Variants in ABHD2 observed in about 807,000 individuals in gnomAD.
The protein encoded by ABHD2 is abhydrolase domain containing 2, acylglycerol lipase, also known as monoacylglycerol lipase ABHD2.
Under a neutral mutation model 48.1 loss-of-function variants are expected in ABHD2, and 20 were observed. The observed-to-expected ratio is 0.42, with a 90% CI of 0.29 to 0.60. The LOEUF is 0.60. Ranked by LOEUF, ABHD2 falls within the 20% of genes least tolerant of loss-of-function variation. The pLI is 0.24. For missense variants in ABHD2, 405 were observed against 550.9 expected (o/e 0.74, Z 2.65); for synonymous variants, 209 against 214.2 (o/e 0.98, Z 0.21).
intron 5 of ABHD2, among the ~76,000 whole-genome samples, chr15:89,158,598 T>A (rs540769110): frequency 6.6e-6 from 1 of 152,326 alleles, no homozygotes; most frequent in East Asian, 1.9e-4. Flanking sequence ...AGTTCCAGAT[T>A]CTTCAGCTGC....
chr15:89,089,171 C>T (rs1021916210), intron 1 of ABHD2, among the ~76,000 whole-genome samples: 2 of 152,254 alleles, frequency 1.3e-5, no homozygotes, highest in African/African-American at 4.8e-5. Context: ...CCTGCCAGGC[C>T]GGGCAGCTAG....
In ABHD2 at chr15:89,182,683, C is replaced by T. The variant is rs371476417; in HGVS notation, c.723-2741C>T. The stretch of plus-strand genomic sequence containing the variant: ...TGGCACACACCTGTAGTCCCAGCTA[C>T]TCGGGAGTCTGAAGCAGGAGAATCG... On this transcript the variant is annotated intron_variant, in intron 6 of 10. Transcript: ENST00000352732. The surrounding 1 kb of genome is among the most constrained non-coding windows in gnomAD (Gnocchi z 4.8). 1.3e-5 allele frequency among the ~76,000 whole-genome samples: 2 copies of T among 152,150 alleles called. No homozygotes were observed. The highest frequency in any genetic ancestry group is 4.8e-5 in the African/African-American group (2 of 41,424).
rs74032728 is a variant in ABHD2 at position 89,120,053 on chromosome 15, C to T, written c.194+3532C>T. 1.4e-4 allele frequency among the ~76,000 whole-genome samples: 21 copies of T among 152,212 alleles called. No individual in the cohort carries two copies. The highest frequency in any genetic ancestry group is 4.6e-4 in the African/African-American group (19 of 41,522). ...TATGATGACATGCGCGGAATCAGGA[C>T]GTGTCTTCTTACTGTTCTGGTATAG... On this transcript the variant is annotated intron_variant, in intron 3 of 10. Coordinates refer to ENST00000352732, the MANE Select transcript of ABHD2 (RefSeq NM_152924.5). This position sits in a 1 kb window ranked among gnomAD's most constrained non-coding sequence, Gnocchi z 4.2.
At chr15:89,194,912 C>T (rs1256471335) in intron 10 of ABHD2, among the ~76,000 whole-genome samples, 1 of 152,178 alleles carries the variant, frequency 6.6e-6, no homozygotes, top group East Asian at 1.9e-4. Context: ...CTGGGCCAGC[C>T]TGGGGTTAAG....
Position 89,104,868 on chromosome 15 carries a change from TTAA to T in ABHD2, c.-106-8856_-106-8854del, listed in dbSNP as rs1251026500. 1.1e-4 allele frequency among the ~76,000 whole-genome samples: 17 copies of T among 152,268 alleles called. No individual in the cohort carries two copies. Among genetic ancestry groups the T allele is most frequent in the Non-Finnish European group, 2.1e-4 (14 of 68,052 alleles). On this transcript the variant is annotated intron_variant, in intron 1 of 10. Transcript: ENST00000352732. This position sits in a 1 kb window ranked among gnomAD's most constrained non-coding sequence, Gnocchi z 4.4. The stretch of plus-strand genomic sequence containing the variant: ...CCTCTTCTTCAGTTGTATCCTTCTC[TTAA>T]AAATTCCAGTAAACTAGGCACTTGA...
chr15:89,113,107 C>T (rs2049901736), intron 1 of ABHD2, among the ~76,000 whole-genome samples: 1 of 152,196 alleles, frequency 6.6e-6, no homozygotes, highest in Non-Finnish European at 1.5e-5. Flanking sequence ...AGGCTCAGCT[C>T]AGGTCCCCCA....
intron 3 of ABHD2, among the ~76,000 whole-genome samples, chr15:89,127,535 G>A (rs759002668): frequency 6.6e-5 from 10 of 151,760 alleles, no homozygotes; most frequent in Admixed American, 2.6e-4. Context: ...CTGAACTGGT[G>A]TTTTCAGCCA....
intron 7 of ABHD2, among the ~76,000 whole-genome samples, chr15:89,187,402 C>T (rs1160064949): frequency 6.6e-6 from 1 of 152,150 alleles, no homozygotes; most frequent in Non-Finnish European, 1.5e-5. Flanking sequence ...AAAATAAATG[C>T]TACAGAAATG....
At chr15:89,044,300 T>C in the ABHD2 span, among the ~76,000 whole-genome samples, 1 of 152,344 alleles carries the variant, frequency 6.6e-6, no homozygotes, top group African/African-American at 2.4e-5. Context: ...ATCCAGTCTA[T>C]CATTGTTGGA....
In ABHD2 at chr15:89,200,267, G is replaced by A. The variant is rs1222010937; in HGVS notation, c.*4844G>A. On this transcript the variant is annotated 3_prime_UTR_variant, in exon 11 of 11. Transcript: ENST00000352732. Reference sequence around the variant, plus strand: ...CAAGGCTGTCACTTCATACTTGCAGGATTGCACAGCAGCCGGGCAGAGGCG... The same window carrying A: ...CAAGGCTGTCACTTCATACTTGCAGAATTGCACAGCAGCCGGGCAGAGGCG... 3 of 152,270 alleles carry A rather than the reference G, an allele frequency of 2.0e-5. No individual in the cohort carries two copies. The allele number at this position is 152,270 out of a possible 1,614,324, so 9.4% of individuals were successfully genotyped here.
Position 89,186,254 on chromosome 15 carries a change from C to G in ABHD2, c.815+738C>G, listed in dbSNP as rs1348356558. 6.6e-6 allele frequency among the ~76,000 whole-genome samples: 1 copy of G among 152,132 alleles called. No individual in the cohort carries two copies. Among genetic ancestry groups the G allele is most frequent in the Non-Finnish European group, 1.5e-5 (1 of 68,016 alleles). ...GCGCCTCCCTGCTCGGAGTTTGAGC[C>G]TCTCCTTATTCTTCATGCTTGTCCT... On this transcript the variant is annotated intron_variant, in intron 7 of 10. Transcript: ENST00000352732. This position sits in a 1 kb window ranked among gnomAD's most constrained non-coding sequence, Gnocchi z 4.3.
the ABHD2 span, among the ~76,000 whole-genome samples, chr15:89,045,941 G>A: frequency 1.3e-5 from 2 of 152,222 alleles, no homozygotes; most frequent in East Asian, 1.9e-4. Context: ...ATGTTGAATA[G>A]GAGTGGTGAG....
chr15:89,157,937 G>T (rs148163438), intron 5 of ABHD2, among the ~76,000 whole-genome samples: 134 of 152,134 alleles, frequency 8.8e-4, no homozygotes, highest in African/African-American at 3.1e-3. Context: ...GACAGAATTG[G>T]ACCCAAAAGT....
chr15:89,172,809 GCA>G (rs1327298558), intron 5 of ABHD2, among the ~76,000 whole-genome samples: 3 of 152,198 alleles, frequency 2.0e-5, no homozygotes, highest in African/African-American at 4.8e-5. Context: ...ACGGTATTTT[GCA>G]CAGTTTCCTC....
intron 5 of ABHD2, among the ~76,000 whole-genome samples, chr15:89,172,298 CT>C (rs1275877292): frequency 1.3e-5 from 2 of 152,214 alleles, no homozygotes; most frequent in African/African-American, 4.8e-5. Context: ...TCCCTAGCCC[CT>C]GGCAACCACC....
At chr15:89,060,568 G>A in the ABHD2 span, among the ~76,000 whole-genome samples, 185 of 146,196 alleles carry the variant, frequency 1.3e-3, 2 homozygotes, top group African/African-American at 4.5e-3. Context: ...ACAAAACATA[G>A]GTCACATTCT....
At chr15:89,134,222 G>A (rs888105934) in intron 3 of ABHD2, among the ~76,000 whole-genome samples, 1 of 152,102 alleles carries the variant, frequency 6.6e-6, no homozygotes. Flanking sequence ...CCTTAGAAAG[G>A]TCTTCTTCAC....
chr15:89,061,001 C>T, the ABHD2 span, among the ~76,000 whole-genome samples: 3 of 151,940 alleles, frequency 2.0e-5, no homozygotes, highest in Non-Finnish European at 2.9e-5. Context: ...AAATCAAATA[C>T]CACATGTTCT....
the ABHD2 span, among the ~76,000 whole-genome samples, chr15:89,044,593 A>G: frequency 1.3e-5 from 2 of 151,406 alleles, no homozygotes; most frequent in African/African-American, 2.4e-5. Context: ...AATGATTGCC[A>G]TTCTAACTGG....
Sources: gnomAD v4.1 joint callset for allele counts (sites outside exome capture counted in the v4.1 genomes callset) on GRCh38, gnomAD v4.1.1 for gene constraint, Gnocchi (gnomAD v3.1) non-coding constraint, MANE v1.5 for transcripts, NCBI Gene and HGNC (gene_info 2026-07-23, HGNC 2026-07-21) for gene names.